The following RPRD1B variants were observed in gnomAD, a reference collection of about 807,000 sequenced individuals.
RPRD1B encodes regulation of nuclear pre-mRNA domain containing 1B.
Under a neutral mutation model 41.5 loss-of-function variants are expected in RPRD1B, and 11 were observed. The ratio of observed to expected loss-of-function variants is 0.27; its 90% confidence interval spans 0.17 to 0.44. The LOEUF (loss-of-function observed/expected upper bound fraction) is 0.44, where lower values mean the gene tolerates loss of function less well. RPRD1B is among the 20% of genes least tolerant of loss of function. The pLI is 1.00. For missense variants in RPRD1B, 248 were observed against 389.9 expected (o/e 0.64, Z 3.06); for synonymous variants, 158 against 155.6 (o/e 1.02, Z -0.12).
chr20:38,082,705 C>T lies in RPRD1B; in HGVS notation c.832-7021C>T, dbSNP rs186697940. Among the ~76,000 whole-genome samples the T allele has an allele frequency of 4.6e-4, 70 of 152,318 alleles. 4 individuals are homozygous for T. In the East Asian group the frequency reaches 8.5e-3, roughly 18 times the overall value. The stretch of plus-strand genomic sequence containing the variant: ...CCCGGCCTGAACTTGTATTTTCTGA[C>T]TTCTGCCACAGCCATCTCCCTCCAG... On this transcript the variant is annotated intron_variant, in intron 6 of 6. Transcript: ENST00000373433.
intron 5 of RPRD1B, among the ~76,000 whole-genome samples, chr20:38,064,303 C>G (rs2074330489): frequency 6.6e-6 from 1 of 152,202 alleles, no homozygotes; most frequent in East Asian, 1.9e-4. Context: ...TCAGCAGTTC[C>G]TCTTGCAATA....
Position 38,090,636 on chromosome 20 carries a change from G to A in RPRD1B, c.*761G>A, listed in dbSNP as rs1600450914. On this transcript the variant is annotated 3_prime_UTR_variant, in exon 7 of 7. Coordinates refer to ENST00000373433, the MANE Select transcript of RPRD1B (RefSeq NM_021215.4). ...CTGCACTTCTCCACTGTCGGAGCAC[G>A]TTCCGAAAAACAGAATGCCTTGATC... 5 of 985,512 alleles carry A rather than the reference G, an allele frequency of 5.1e-6. No homozygotes were observed. Among genetic ancestry groups the A allele is most frequent in the South Asian group, 9.4e-5 (2 of 21,292 alleles). 61.0% of individuals were successfully genotyped at this position (985,512 alleles called of 1,614,324 possible).
At chr20:38,053,550 G>A (rs1175166225) in intron 3 of RPRD1B, among the ~76,000 whole-genome samples, 2 of 152,194 alleles carry the variant, frequency 1.3e-5, no homozygotes, top group Non-Finnish European at 2.9e-5. Flanking sequence ...AGAGAGGCCC[G>A]AGTGCCGTGG....
rs540457724 is a variant in RPRD1B at position 38,033,955 on chromosome 20, C to T, written c.8C>T (p.Ser3Phe). Residue 3 changes from serine to phenylalanine, a missense_variant, in exon 1 of 7, where the codon TCC becomes TTC. Coordinates refer to ENST00000373433, the MANE Select transcript of RPRD1B (RefSeq NM_021215.4). MS[S>F]FSESALEKKL... ...GGCCTCACTGCCGCCACCATGTCCT[C>T]CTTCTCTGAGTCGGCGCTGGAGAAG... is the stretch of plus-strand genomic sequence containing the variant. 1.2e-6 allele frequency: 2 copies of T among 1,611,108 alleles called. No individual in the cohort carries two copies. The highest frequency in any genetic ancestry group is 1.7e-6 in the Non-Finnish European group (2 of 1,178,240).
chr20:38,090,488 G>C lies in RPRD1B; in HGVS notation c.*613G>C. 1 of 985,932 alleles carries C rather than the reference G, an allele frequency of 1.0e-6. No homozygotes were observed. Among genetic ancestry groups the C allele is most frequent in the Non-Finnish European group, 1.2e-6 (1 of 829,974 alleles). The allele number at this position is 985,932 out of a possible 1,614,324, so 61.1% of individuals were successfully genotyped here. Reference sequence around the variant, plus strand: ...TTTTGTAAACAGATTGGAGAATCTAGCAATAAGATTCAAAGCTAATCTGGA... The same window carrying C: ...TTTTGTAAACAGATTGGAGAATCTACCAATAAGATTCAAAGCTAATCTGGA... On this transcript the variant is annotated 3_prime_UTR_variant, in exon 7 of 7. Transcript: ENST00000373433.
chr20:38,090,303 A>T lies in RPRD1B; in HGVS notation c.*428A>T. ...TTGTTCAAGTTCGGTGTGGGCTTCC[A>T]CTAAGGCACTTGTCCTGGAGACGTT... On this transcript the variant is annotated 3_prime_UTR_variant, in exon 7 of 7. Coordinates refer to ENST00000373433, the MANE Select transcript of RPRD1B (RefSeq NM_021215.4). 1.0e-6 allele frequency: 1 copy of T among 987,906 alleles called. No homozygotes were observed. Among genetic ancestry groups the T allele is most frequent in the South Asian group, 4.7e-5 (1 of 21,426 alleles). 61.2% of individuals were successfully genotyped at this position (987,906 alleles called of 1,614,324 possible). A position where few individuals can be genotyped will look rare whatever the true frequency, so the allele number is the denominator to read the frequency against.
At chr20:38,051,925 A>G (rs2039912851) in intron 3 of RPRD1B, among the ~76,000 whole-genome samples, 2 of 151,924 alleles carry the variant, frequency 1.3e-5, no homozygotes, top group Non-Finnish European at 2.9e-5. Context: ...CTAATTTTGT[A>G]TTTTTAGTAG....
chr20:38,086,629 C>T (rs2074563595), intron 6 of RPRD1B, among the ~76,000 whole-genome samples: 1 of 152,144 alleles, frequency 6.6e-6, no homozygotes, highest in African/African-American at 2.4e-5. Context: ...GCCACCATGC[C>T]CAGGCCAGCC....
rs945972645 is a variant in RPRD1B, at chr20:38,049,473, C to T, written c.415+992C>T. On this transcript the variant is annotated intron_variant, in intron 3 of 6. Transcript: ENST00000373433. ...GCAACCTCCGCCTCCCGGGTTCAAG[C>T]AGTTCTTTGCCTCAGCCTCCCGAGT... Among the ~76,000 whole-genome samples, 140 of 144,136 alleles carry T rather than the reference C, an allele frequency of 9.7e-4. 1 individual carries two copies. The highest frequency in any genetic ancestry group is 6.8e-4 in the Non-Finnish European group (46 of 67,190). The allele number at this position is 144,136 out of a possible 152,430, so 94.6% of individuals were successfully genotyped here. A position where few individuals can be genotyped will look rare whatever the true frequency, so the allele number is the denominator to read the frequency against.
intron 6 of RPRD1B, among the ~76,000 whole-genome samples, chr20:38,080,924 G>A (rs2074506866): frequency 6.6e-6 from 1 of 152,184 alleles, no homozygotes; most frequent in African/African-American, 2.4e-5. Context: ...TAGCCTTATA[G>A]TATAGTTTGA....
intron 1 of RPRD1B, among the ~76,000 whole-genome samples, chr20:38,036,542 G>A (rs2074005211): frequency 1.3e-5 from 2 of 152,148 alleles, no homozygotes; most frequent in Admixed American, 6.5e-5. Context: ...AGACCTTCTT[G>A]TTTATTTGCA....
rs562983744 is a variant in RPRD1B, at chr20:38,080,595, G to A, written c.832-9131G>A. Among the ~76,000 whole-genome samples, 10 of 152,178 alleles carry A rather than the reference G, an allele frequency of 6.6e-5. No homozygotes were observed. In the East Asian group the frequency reaches 1.5e-3, roughly 24 times the overall value. ...GGCTGGAGTGCAGTGGCACGATCTCGGCTTGCTGCAACCTCCGCCTCCCAG... is the reference window on the plus strand; with the variant it reads ...GGCTGGAGTGCAGTGGCACGATCTCAGCTTGCTGCAACCTCCGCCTCCCAG... On this transcript the variant is annotated intron_variant, in intron 6 of 6. Coordinates refer to ENST00000373433, the MANE Select transcript of RPRD1B (RefSeq NM_021215.4).
chr20:38,071,959 A>G (rs1374977483), intron 6 of RPRD1B, among the ~76,000 whole-genome samples: 1 of 152,126 alleles, frequency 6.6e-6, no homozygotes, highest in Non-Finnish European at 1.5e-5. Flanking sequence ...ATTTTCTCCT[A>G]TAAGTTGTCT....
intron 6 of RPRD1B, among the ~76,000 whole-genome samples, chr20:38,076,510 C>G (rs1197886675): frequency 1.3e-5 from 2 of 152,220 alleles, no homozygotes; most frequent in African/African-American, 4.8e-5. Context: ...TCATCACATT[C>G]ACATGAGCAT....
At chr20:38,084,823 T>A (rs1283474807) in intron 6 of RPRD1B, among the ~76,000 whole-genome samples, 2 of 152,240 alleles carry the variant, frequency 1.3e-5, no homozygotes, top group Admixed American at 6.5e-5. Flanking sequence ...AACTACACAT[T>A]GGGCCTTACC....
chr20:38,071,740 T>C (rs1322659222), intron 6 of RPRD1B, among the ~76,000 whole-genome samples: 1 of 152,226 alleles, frequency 6.6e-6, no homozygotes, highest in Non-Finnish European at 1.5e-5. Flanking sequence ...CATGTGCAGG[T>C]TTATCTCATT....
intron 5 of RPRD1B, among the ~76,000 whole-genome samples, chr20:38,062,838 C>CCCT (rs1555801163): frequency 2.4e-5 from 2 of 84,314 alleles, no homozygotes; most frequent in Non-Finnish European, 4.4e-5. Context: ...GCCCCCCCCC[C>CCCT]TTTTTTTTTT....
rs1297156943 is a variant in RPRD1B, at chr20:38,083,961, G to A, written c.832-5765G>A. On this transcript the variant is annotated intron_variant, in intron 6 of 6. Coordinates refer to ENST00000373433, the MANE Select transcript of RPRD1B (RefSeq NM_021215.4). ...AGTGATGGTTTTTTTTTCCCACATG[G>A]GATCTTTGAAGAAAATTTTAAAATG... is the stretch of plus-strand genomic sequence containing the variant. The A allele has an allele frequency of 3.3e-5, 5 of 151,994 alleles. No homozygotes were observed. The East Asian group carries it at 9.6e-4, about 29-fold the overall frequency. 9.4% of individuals were successfully genotyped at this position (151,994 alleles called of 1,614,324 possible). A position where few individuals can be genotyped will look rare whatever the true frequency, so the allele number is the denominator to read the frequency against.
intron 5 of RPRD1B, among the ~76,000 whole-genome samples, chr20:38,064,570 A>T (rs572863295): frequency 6.6e-6 from 1 of 152,112 alleles, no homozygotes; most frequent in Non-Finnish European, 1.5e-5. Context: ...GAATCTCACC[A>T]CCACCCACAC....
Sources: gnomAD v4.1 joint callset for allele counts (sites outside exome capture counted in the v4.1 genomes callset) on GRCh38, gnomAD v4.1.1 for gene constraint, MANE v1.5 for transcripts, NCBI Gene and HGNC (gene_info 2026-07-23, HGNC 2026-07-21) for gene names.